Variants in TCEA3 observed in about 807,000 individuals in gnomAD.
TCEA3 encodes the protein transcription elongation factor A3, also known as transcription elongation factor A protein 3.
TCEA3 carries 36 observed loss-of-function variants against 44.0 expected under a neutral mutation model. The observed-to-expected ratio is 0.82, with a 90% CI of 0.63 to 1.08. The LOEUF (loss-of-function observed/expected upper bound fraction) is 1.08. TCEA3 is among the 50% of genes least tolerant of loss of function. The probability of loss-of-function intolerance (pLI) is 0.00; values close to 1 mark genes in which losing one functional copy is unlikely to be tolerated. For missense variants in TCEA3, 392 were observed against 441.2 expected (o/e 0.89, Z 1.00); for synonymous variants, 162 against 159.7 (o/e 1.01, Z -0.11).
At chr1:23,387,238 C>T in intron 9 of TCEA3, 35 bp downstream of exon 9, 2 of 1,608,828 alleles carry the variant, frequency 1.2e-6, no homozygotes, top group East Asian at 2.2e-5. Context: ...CCTGCGGCCT[C>T]CTGCACCTCC....
intron 1 of TCEA3, among the ~76,000 whole-genome samples, chr1:23,420,094 G>A (rs949367315): frequency 1.3e-5 from 2 of 152,120 alleles, no homozygotes; most frequent in Non-Finnish European, 2.9e-5. Context: ...GTATCTTTAA[G>A]GATTTTATGT....
chr1:23,415,069 G>A (rs886830148), intron 4 of TCEA3, among the ~76,000 whole-genome samples: 9 of 120,418 alleles, frequency 7.5e-5, no homozygotes, highest in South Asian at 2.8e-4. Flanking sequence ...TGTTGTCCAC[G>A]CTTGAGTGCA....
intron 4 of TCEA3, 29 bp from the exon 5 acceptor site, chr1:23,408,755 G>A (rs1292363334): frequency 6.4e-7 from 1 of 1,568,054 alleles, no homozygotes; most frequent in Non-Finnish European, 8.7e-7. Context: ...CAAGGAGACT[G>A]CTTTGTAGAC....
At chr1:23,417,871 A>G (rs781417727) in intron 3 of TCEA3, 33 bp downstream of exon 3, 2 of 1,604,794 alleles carry the variant, frequency 1.2e-6, no homozygotes, top group Admixed American at 3.3e-5. Flanking sequence ...CTAGGAGAAA[A>G]ACAGGGCTCA....
At chr1:23,408,945 G>A (rs529734478) in intron 4 of TCEA3, among the ~76,000 whole-genome samples, 3 of 152,282 alleles carry the variant, frequency 2.0e-5, no homozygotes, top group African/African-American at 2.4e-5. Context: ...GAAGGAAGTC[G>A]ATATCTGCCA....
chr1:23,415,477 A>G (rs1639862461), intron 4 of TCEA3, among the ~76,000 whole-genome samples: 1 of 152,196 alleles, frequency 6.6e-6, no homozygotes, highest in South Asian at 2.1e-4. Flanking sequence ...TTCAGCCTCT[A>G]GTCCTTCAAC....
chr1:23,402,498 C>T (rs1053287773), intron 5 of TCEA3, among the ~76,000 whole-genome samples: 1 of 152,292 alleles, frequency 6.6e-6, no homozygotes, highest in Admixed American at 6.5e-5. Flanking sequence ...CTTAAACATA[C>T]CCATCCCTCC....
chr1:23,411,030 CA>C (rs1369660467), intron 4 of TCEA3: 2 of 205,472 alleles, frequency 9.7e-6, no homozygotes, highest in Admixed American at 4.4e-5. Context: ...ATGTGGTGAT[CA>C]GGGGACAGGA....
chr1:23,423,023 C>A (rs1465778577), intron 1 of TCEA3, among the ~76,000 whole-genome samples: 2 of 152,176 alleles, frequency 1.3e-5, no homozygotes, highest in African/African-American at 4.8e-5. Flanking sequence ...CTGGGATAAC[C>A]CGTCTATTTG....
chr1:23,402,516 G>A (rs559845091), intron 5 of TCEA3, among the ~76,000 whole-genome samples: 49 of 152,148 alleles, frequency 3.2e-4, no homozygotes, highest in Non-Finnish European at 6.8e-4. Flanking sequence ...TCCCACTGCC[G>A]GGCCTTTGCA....
At chr1:23,423,620 G>A (rs541362871) in intron 1 of TCEA3, among the ~76,000 whole-genome samples, 2 of 152,222 alleles carry the variant, frequency 1.3e-5, no homozygotes, top group Non-Finnish European at 2.9e-5. Flanking sequence ...GATGGTGGGA[G>A]GAAGAGGACC....
chr1:23,403,333 G>A (rs1242127801), intron 5 of TCEA3: 1 of 152,132 alleles, frequency 6.6e-6, no homozygotes, highest in Non-Finnish European at 1.5e-5. Context: ...TGTGACCTTG[G>A]GTGAGTTCCT....
chr1:23,390,850 G>C (rs1400688304), intron 8 of TCEA3, among the ~76,000 whole-genome samples: 1 of 152,168 alleles, frequency 6.6e-6, no homozygotes, highest in Non-Finnish European at 1.5e-5. Flanking sequence ...GTGCTGGGTG[G>C]ACTGTGAATG....
At chr1:23,395,996 T>C (rs561935627) in intron 7 of TCEA3, among the ~76,000 whole-genome samples, 31 of 152,298 alleles carry the variant, frequency 2.0e-4, no homozygotes, top group Non-Finnish European at 4.3e-4. Flanking sequence ...ATAGTTCTCA[T>C]ACCTTGTGTT....
rs368994873 is a variant in TCEA3 at position 23,424,526 on chromosome 1, C to G, written c.69+39G>C. The G allele has an allele frequency of 4.6e-5, 72 of 1,581,564 alleles. No homozygotes were observed. The African/African-American group carries it at 8.8e-4, about 19-fold the overall frequency. Reference sequence around the variant, plus strand: ...GGAATCCGGGGCTTGCCCGCGCCTCCCGGGGGCGGGGGCCGTGGCCCAAAC... The same window carrying G: ...GGAATCCGGGGCTTGCCCGCGCCTCGCGGGGGCGGGGGCCGTGGCCCAAAC... On this transcript the variant is annotated intron_variant, in intron 1 of 10. Coordinates refer to ENST00000450454, the MANE Select transcript of TCEA3 (RefSeq NM_003196.3).
chr1:23,411,633 GT>G (rs915198324), intron 4 of TCEA3: 1 of 155,788 alleles, frequency 6.4e-6, no homozygotes, highest in African/African-American at 2.4e-5. Flanking sequence ...AAAAGAACAG[GT>G]TTTCCTCTGC....
intron 8 of TCEA3, among the ~76,000 whole-genome samples, chr1:23,392,455 C>T (rs201738776): frequency 2.9e-5 from 3 of 104,402 alleles, no homozygotes; most frequent in South Asian, 3.5e-4. Context: ...AATACACACA[C>T]ACTCCACACA....
chr1:23,408,445 T>C lies in TCEA3; in HGVS notation c.443+219A>G, dbSNP rs1313701164. The C allele has an allele frequency of 1.8e-5, 9 of 487,696 alleles. No homozygotes were observed. In the Admixed American group the frequency reaches 3.2e-4, roughly 17 times the overall value. The allele number at this position is 487,696 out of a possible 1,614,324, so 30.2% of individuals were successfully genotyped here. A position where few individuals can be genotyped will look rare whatever the true frequency, so the allele number is the denominator to read the frequency against. On this transcript the variant is annotated intron_variant, in intron 5 of 10. Coordinates refer to ENST00000450454, the MANE Select transcript of TCEA3 (RefSeq NM_003196.3). ...AATAAATGAATGAATACATGATGAATTGAAGAATTGACCACAGAGAGATCA... is the reference window on the plus strand; with the variant it reads ...AATAAATGAATGAATACATGATGAACTGAAGAATTGACCACAGAGAGATCA...
chr1:23,387,102 C>G (rs1638865569), intron 9 of TCEA3, among the ~76,000 whole-genome samples, 171 bp downstream of exon 9: 1 of 152,210 alleles, frequency 6.6e-6, no homozygotes, highest in Admixed American at 6.5e-5. Flanking sequence ...ATCCACTCGC[C>G]TTGGCCTCCC....
Sources: allele counts gnomAD v4.1 joint callset (sites outside exome capture counted in the v4.1 genomes callset), GRCh38; gene constraint gnomAD v4.1.1; transcripts MANE v1.5; gene names NCBI Gene and HGNC (gene_info 2026-07-23, HGNC 2026-07-21).